SLIT2: variants seen among roughly 807,000 people sequenced by gnomAD.
SLIT2 encodes slit guidance ligand 2.
A neutral mutation model predicts 185.7 loss-of-function variants in SLIT2; 41 were observed. The ratio of observed to expected loss-of-function variants is 0.22; its 90% CI spans 0.17 to 0.29. The LOEUF is 0.29. SLIT2 is among the 10% of genes least tolerant of loss of function. The probability of loss-of-function intolerance (pLI) is 1.00; values close to 1 mark genes in which losing one functional copy is unlikely to be tolerated. For missense variants in SLIT2, 1,571 were observed against 1,909.0 expected (o/e 0.82, Z 3.30); for synonymous variants, 693 against 680.2 (o/e 1.02, Z -0.29).
chr4:20,466,707 A>G (rs1248850671), intron 4 of SLIT2, among the ~76,000 whole-genome samples: 5 of 152,096 alleles, frequency 3.3e-5, no homozygotes, highest in African/African-American at 1.2e-4. Flanking sequence ...AGTCTGTCCA[A>G]TATGCCTTCT....
chr4:20,458,752 C>T (rs143192440), intron 4 of SLIT2, among the ~76,000 whole-genome samples: 84 of 152,264 alleles, frequency 5.5e-4, no homozygotes, highest in African/African-American at 1.8e-3. Context: ...ATCCCAGCTC[C>T]GCTGCTTACT....
intron 4 of SLIT2, among the ~76,000 whole-genome samples, chr4:20,446,682 C>G (rs887387690): frequency 2.0e-5 from 3 of 152,070 alleles, no homozygotes; most frequent in African/African-American, 7.2e-5. Flanking sequence ...AGAGAACATC[C>G]CTCTGCATAT....
chr4:20,467,226 G>C (rs1256904049), intron 4 of SLIT2, among the ~76,000 whole-genome samples: 1 of 151,994 alleles, frequency 6.6e-6, no homozygotes, highest in Non-Finnish European at 1.5e-5. Context: ...TTATTGTTGG[G>C]CCGGTTCTGC....
chr4:20,581,662 G>A (rs75751708), intron 29 of SLIT2, among the ~76,000 whole-genome samples: 25 of 152,066 alleles, frequency 1.6e-4, no homozygotes, highest in African/African-American at 6.0e-4. Context: ...CCCCTACCCT[G>A]TACAAGTGGT....
intron 4 of SLIT2, among the ~76,000 whole-genome samples, chr4:20,429,175 C>T (rs1022692045): frequency 5.9e-5 from 9 of 151,770 alleles, no homozygotes; most frequent in African/African-American, 1.5e-4. Context: ...TCAAAATAGA[C>T]GGAAAGTAAT....
intron 36 of SLIT2, among the ~76,000 whole-genome samples, chr4:20,618,247 A>G (rs995271762): frequency 6.6e-6 from 1 of 152,194 alleles, no homozygotes; most frequent in Non-Finnish European, 1.5e-5. Flanking sequence ...TTGTGTGTCC[A>G]AGGGACGAGA....
chr4:20,569,171 C>G, intron 29 of SLIT2, 167 bp downstream of exon 29: 1 of 622,586 alleles, frequency 1.6e-6, no homozygotes, highest in Non-Finnish European at 2.8e-6. Flanking sequence ...ATAGTTTCAG[C>G]TAACCAAATA....
chr4:20,467,095 T>C (rs1487210153), intron 4 of SLIT2, among the ~76,000 whole-genome samples: 2 of 152,208 alleles, frequency 1.3e-5, no homozygotes. Flanking sequence ...GTGATTAAAA[T>C]GTATTTCTCA....
At chr4:20,575,941 T>C (rs1726055500) in intron 29 of SLIT2, among the ~76,000 whole-genome samples, 1 of 152,102 alleles carries the variant, frequency 6.6e-6, no homozygotes, top group Non-Finnish European at 1.5e-5. Context: ...GGCACGAATA[T>C]TTATAAACTC....
rs1553908277 is a variant in SLIT2 at position 20,472,268 on chromosome 4, A to ATATATATATC, written c.467+4452_467+4453insATCTATATAT. Among the ~76,000 whole-genome samples, 138 of 38,748 alleles carry ATATATATATC rather than the reference A, an allele frequency of 3.6e-3. 14 individuals carry two copies. The highest frequency in any genetic ancestry group is 0.05 in the Middle Eastern group (2 of 40). The allele number at this position is 38,748 out of a possible 152,430, so 25.4% of individuals were successfully genotyped here. A position where few individuals can be genotyped will look rare whatever the true frequency, so the allele number is the denominator to read the frequency against. On this transcript the variant is annotated intron_variant, in intron 5 of 36. Coordinates refer to ENST00000504154, the MANE Select transcript of SLIT2 (RefSeq NM_004787.4). ...TATCTATATATAGATCTATATATAG[A>ATATATATATC]TATATATCTATATATATAGATATAT...
At position 20,401,082 on chromosome 4, in the gene SLIT2, A is replaced by G. The variant is rs114787165; in HGVS notation, c.396-66670A>G. On this transcript the variant is annotated intron_variant, in intron 4 of 36. Transcript: ENST00000504154. ...CTGCTTTGATGAACCACTGAATCTA[A>G]GTTGATTGGTCTTTCATCATTATTC... 5.8e-3 allele frequency among the ~76,000 whole-genome samples: 883 copies of G among 151,980 alleles called. 5 individuals are homozygous for G. The highest frequency in any genetic ancestry group is 0.02 in the African/African-American group (845 of 41,524).
chr4:20,360,885 C>A (rs907746268), intron 4 of SLIT2, among the ~76,000 whole-genome samples: 1 of 152,090 alleles, frequency 6.6e-6, no homozygotes, highest in Non-Finnish European at 1.5e-5. Flanking sequence ...TTTTTAAAGT[C>A]AACCTGTGAC....
rs1720425994 is a variant in SLIT2 at position 20,518,233 on chromosome 4, G to GTA, written c.1059-1148_1059-1147insAT. ...TTTATATATATATACATATATATGT[G>GTA]TGTGTGTATATATATATATATATTT... is the stretch of plus-strand genomic sequence containing the variant. On this transcript the variant is annotated intron_variant, in intron 11 of 36. Coordinates refer to ENST00000504154, the MANE Select transcript of SLIT2 (RefSeq NM_004787.4). 2.1e-5 allele frequency among the ~76,000 whole-genome samples: 2 copies of GTA among 94,888 alleles called. 1 individual carries two copies. Among genetic ancestry groups the GTA allele is most frequent in the Non-Finnish European group, 4.3e-5 (2 of 46,248 alleles). The allele number at this position is 94,888 out of a possible 152,430, so 62.3% of individuals were successfully genotyped here.
Position 20,616,747 on chromosome 4 carries a change from C to A in SLIT2, c.3848-163C>A, listed in dbSNP as rs1011946414. On this transcript the variant is annotated intron_variant, in intron 34 of 36. Coordinates refer to ENST00000504154, the MANE Select transcript of SLIT2 (RefSeq NM_004787.4). ...CTTCCAATACAGAACAAAACAAAAA[C>A]ACACATCTCTACATCTCTTCTCCAC... 1.6e-5 allele frequency: 10 copies of A among 643,740 alleles called. No individual in the cohort carries two copies. The African/African-American group carries it at 1.7e-4, about 11-fold the overall frequency. 39.9% of individuals were successfully genotyped at this position (643,740 alleles called of 1,614,324 possible).
rs1453902824 is a variant in SLIT2 at position 20,252,254 on chromosome 4, G to C, written c.-1562G>C. Among the ~76,000 whole-genome samples, 1 of 152,158 alleles carries C rather than the reference G, an allele frequency of 6.6e-6. No individual in the cohort carries two copies. Among genetic ancestry groups the C allele is most frequent in the Non-Finnish European group, 1.5e-5 (1 of 68,028 alleles). Reference sequence around the variant, plus strand: ...CCTTCCTTCCAGACAAGCGAGACTTGGGCTGCTGCGTCCGTCCTATTGTTT... The same window carrying C: ...CCTTCCTTCCAGACAAGCGAGACTTCGGCTGCTGCGTCCGTCCTATTGTTT... On this transcript the variant is annotated 5_prime_UTR_variant, in exon 1 of 37. Transcript: ENST00000504154.
chr4:20,534,465 G>A (rs1240983531), intron 18 of SLIT2, among the ~76,000 whole-genome samples: 3 of 152,094 alleles, frequency 2.0e-5, no homozygotes, highest in East Asian at 1.9e-4. Flanking sequence ...CAACACTTTT[G>A]TATTACTTGA....
intron 27 of SLIT2, 37 bp downstream of exon 27, chr4:20,567,423 C>T (rs748593585): frequency 1.2e-6 from 2 of 1,612,456 alleles, no homozygotes; most frequent in Admixed American, 3.3e-5. Context: ...AGTTTGAGAG[C>T]ATAACTTTTC....
At chr4:20,465,518 T>A (rs991215671) in intron 4 of SLIT2, among the ~76,000 whole-genome samples, 2 of 152,174 alleles carry the variant, frequency 1.3e-5, no homozygotes, top group Admixed American at 6.5e-5. Context: ...GACCCCATAG[T>A]GTGGCCTGTG....
rs1718221387 is a variant in SLIT2 at position 20,312,654 on chromosome 4, TC to T, written c.395+43776del. ...CGGGTTTGTTGGCGCGCATCTGTAGTCCCAGCTACTTGGGAGGCTGAGGCAG... is the reference window on the plus strand; with the variant it reads ...CGGGTTTGTTGGCGCGCATCTGTAGTCCAGCTACTTGGGAGGCTGAGGCAG... On this transcript the variant is annotated intron_variant, in intron 4 of 36. Transcript: ENST00000504154. 2.0e-5 allele frequency among the ~76,000 whole-genome samples: 3 copies of T among 151,090 alleles called. No individual in the cohort carries two copies. The South Asian group carries it at 6.3e-4, about 32-fold the overall frequency.
Sources: gnomAD v4.1 joint callset for allele counts (sites outside exome capture counted in the v4.1 genomes callset) on GRCh38, gnomAD v4.1.1 for gene constraint, MANE v1.5 for transcripts, NCBI Gene and HGNC (gene_info 2026-07-23, HGNC 2026-07-21) for gene names.